GALNTL6: variants seen among roughly 807,000 people sequenced by gnomAD.
The protein encoded by GALNTL6 is polypeptide N-acetylgalactosaminyltransferase like 6.
GALNTL6 carries 46 observed loss-of-function variants against 73.7 expected under a neutral mutation model. The observed-to-expected ratio is 0.62, with a 90% CI of 0.49 to 0.80. GALNTL6 has a LOEUF of 0.80. Ranked by LOEUF, GALNTL6 falls within the 30% of genes least tolerant of loss-of-function variation. The probability of loss-of-function intolerance (pLI) is 0.00; values close to 1 mark genes in which losing one functional copy is unlikely to be tolerated. For synonymous variants in GALNTL6, 259 were observed against 263.7 expected, an observed-to-expected ratio of 0.98 and a Z score of 0.17; for missense variants, 604 against 755.0, an observed-to-expected ratio of 0.80 and a Z score of 2.34.
intron 11 of GALNTL6, among the ~76,000 whole-genome samples, chr4:173,015,709 T>G (rs1293012428): frequency 6.6e-6 from 1 of 152,126 alleles, no homozygotes; most frequent in East Asian, 1.9e-4. Flanking sequence ...GCACAAAATT[T>G]GGAAAATTTG....
intron 3 of GALNTL6, among the ~76,000 whole-genome samples, chr4:172,281,291 T>C (rs1158593725): frequency 6.6e-6 from 1 of 152,226 alleles, no homozygotes; most frequent in Admixed American, 6.5e-5. Context: ...ATGTTGCTTT[T>C]CCTAGCTCCT....
At chr4:172,625,108 A>G (rs1739114998) in intron 5 of GALNTL6, among the ~76,000 whole-genome samples, 2 of 152,016 alleles carry the variant, frequency 1.3e-5, no homozygotes, top group Admixed American at 6.6e-5. Context: ...ATAAAGAAAA[A>G]TATACTCACT....
At chr4:172,383,185 G>A (rs992109095) in intron 5 of GALNTL6, among the ~76,000 whole-genome samples, 4 of 151,838 alleles carry the variant, frequency 2.6e-5, no homozygotes, top group Non-Finnish European at 5.9e-5. Flanking sequence ...GATTTTTTTG[G>A]TAGACATTGC....
intron 3 of GALNTL6, among the ~76,000 whole-genome samples, chr4:172,259,896 G>A (rs1450615222): frequency 6.6e-6 from 1 of 151,288 alleles, no homozygotes; most frequent in African/African-American, 2.4e-5. Flanking sequence ...TTTGTTTGCT[G>A]TGTCAAAAAT....
intron 5 of GALNTL6, among the ~76,000 whole-genome samples, chr4:172,596,525 A>G (rs1024947127): frequency 6.6e-6 from 1 of 151,572 alleles, no homozygotes; most frequent in Non-Finnish European, 1.5e-5. Context: ...TTATTTTTCT[A>G]TCCTAGGAGT....
intron 2 of GALNTL6, among the ~76,000 whole-genome samples, chr4:171,959,834 T>C (rs991016252): frequency 3.3e-5 from 5 of 152,132 alleles, no homozygotes; most frequent in Non-Finnish European, 7.4e-5. Flanking sequence ...CTGAAGCAAA[T>C]AGAAATAATC....
At chr4:172,480,960 T>G (rs1194329114) in intron 5 of GALNTL6, among the ~76,000 whole-genome samples, 1 of 152,192 alleles carries the variant, frequency 6.6e-6, no homozygotes, top group East Asian at 1.9e-4. Context: ...AATTGACATT[T>G]TTGCCATATT....
Position 172,696,240 on chromosome 4 carries a change from C to T in GALNTL6, c.554-113121C>T, listed in dbSNP as rs532649298. Among the ~76,000 whole-genome samples the T allele has an allele frequency of 9.2e-5, 14 of 152,226 alleles. No individual in the cohort carries two copies. In the South Asian group the frequency reaches 2.9e-3, roughly 31 times the overall value. ...ATTTTGGGTATAATTTTTCTATTTA[C>T]ACATCACTCTCAACCATTGAGCTTG... On this transcript the variant is annotated intron_variant, in intron 5 of 12. Transcript: ENST00000506823.
At chr4:171,971,471 A>T (rs1314447842) in intron 2 of GALNTL6, among the ~76,000 whole-genome samples, 1 of 152,180 alleles carries the variant, frequency 6.6e-6, no homozygotes, top group African/African-American at 2.4e-5. Context: ...CAGGGAGAAG[A>T]TTCCTTATGC....
chr4:172,466,623 A>G (rs1412504454), intron 5 of GALNTL6, among the ~76,000 whole-genome samples: 2 of 152,218 alleles, frequency 1.3e-5, no homozygotes, highest in Non-Finnish European at 2.9e-5. Flanking sequence ...AGAAGTCTGT[A>G]CTCATAAATG....
chr4:172,341,822 T>A (rs1051709660), intron 4 of GALNTL6, among the ~76,000 whole-genome samples: 39 of 152,276 alleles, frequency 2.6e-4, no homozygotes, highest in African/African-American at 9.1e-4. Context: ...TTGCCTAGTC[T>A]CGGGTATGTC....
chr4:171,832,982 T>C (rs79623024), intron 2 of GALNTL6, among the ~76,000 whole-genome samples: 2,135 of 151,932 alleles, frequency 0.014, 47 homozygotes, highest in African/African-American at 0.048. Flanking sequence ...TTTCCATTTT[T>C]AAGCAGCCTT....
chr4:172,302,935 CT>C (rs1237821980), intron 3 of GALNTL6, among the ~76,000 whole-genome samples: 1 of 151,512 alleles, frequency 6.6e-6, no homozygotes, highest in Non-Finnish European at 1.5e-5. Context: ...ATTTTTATTA[CT>C]TCATTTCTCT....
intron 2 of GALNTL6, among the ~76,000 whole-genome samples, chr4:171,908,107 A>G (rs1171359854): frequency 6.6e-6 from 1 of 152,234 alleles, no homozygotes; most frequent in Non-Finnish European, 1.5e-5. Flanking sequence ...TGTCTAAAAC[A>G]TCAAAAGCAA....
intron 2 of GALNTL6, among the ~76,000 whole-genome samples, chr4:171,907,245 C>T (rs1737313819): frequency 6.6e-6 from 1 of 152,038 alleles, no homozygotes; most frequent in African/African-American, 2.4e-5. Context: ...TCTAGAAAAC[C>T]CCATTGTCTC....
chr4:171,969,093 C>T (rs1463102478), intron 2 of GALNTL6, among the ~76,000 whole-genome samples: 1 of 152,078 alleles, frequency 6.6e-6, no homozygotes, highest in African/African-American at 2.4e-5. Context: ...CCTCAGCATC[C>T]CAAAGTCCTG....
chr4:173,033,213 T>TAGAG (rs1753543587), intron 12 of GALNTL6, among the ~76,000 whole-genome samples: 2 of 151,902 alleles, frequency 1.3e-5, no homozygotes, highest in East Asian at 3.9e-4. Context: ...TGTTGGCCAG[T>TAGAG]CTGGTCTCAA....
At chr4:172,570,796 T>C (rs1427823923) in intron 5 of GALNTL6, among the ~76,000 whole-genome samples, 1 of 152,154 alleles carries the variant, frequency 6.6e-6, no homozygotes, top group Non-Finnish European at 1.5e-5. Flanking sequence ...CTCACCCTAA[T>C]GCAGAATCAG....
intron 2 of GALNTL6, among the ~76,000 whole-genome samples, chr4:171,853,999 G>T (rs1735609151): frequency 1.3e-5 from 2 of 152,074 alleles, no homozygotes; most frequent in African/African-American, 4.8e-5. Context: ...AATAAACTAA[G>T]AAATAAGAGT....
Sources: gnomAD v4.1 joint callset for allele counts (sites outside exome capture counted in the v4.1 genomes callset) on GRCh38, gnomAD v4.1.1 for gene constraint, MANE v1.5 for transcripts, NCBI Gene and HGNC (gene_info 2026-07-23, HGNC 2026-07-21) for gene names.